Variants in MIA3 observed in about 807,000 individuals in gnomAD.
MIA3 encodes transport and Golgi organization protein 1 homolog.
Under a neutral mutation model 192.4 loss-of-function variants are expected in MIA3, and 90 were observed. The ratio of observed to expected loss-of-function variants is 0.47; its 90% CI spans 0.39 to 0.56. The LOEUF (loss-of-function observed/expected upper bound fraction) is 0.56. MIA3 is among the 20% of genes least tolerant of loss of function. MIA3 has a pLI of 0.00. For synonymous variants in MIA3, 740 were observed against 792.8 expected (o/e 0.93, Z 1.12); for missense variants, 2,123 against 2,269.4 (o/e 0.94, Z 1.31).
At position 222,627,617 on chromosome 1, in the gene MIA3, C is replaced by T. The variant is rs1001565873; in HGVS notation, c.397C>T (p.His133Tyr). ...TTTTGATGGAGGAAGAGATGATTTTCATAATTATAATGTAGAAGAACTTTT... is the reference window on the plus strand; with the variant it reads ...TTTTGATGGAGGAAGAGATGATTTTTATAATTATAATGTAGAAGAACTTTT... Reference protein sequence around the residue: ...VCFDGGRDDFHNYNVEELLGF... With the variant: ...VCFDGGRDDFYNYNVEELLGF... The change falls in exon 4 of 28, where the codon CAT becomes TAT. Residue 133 changes from histidine to tyrosine, a missense_variant. By Grantham distance (83) the His-to-Tyr change is moderately conservative. This residue lies in a region of MIA3 where 1,357 missense variants were observed against 1,396.1 expected (regional missense o/e 0.97). Coordinates refer to ENST00000344922, the MANE Select transcript of MIA3 (RefSeq NM_198551.4). The T allele has an allele frequency of 3.9e-5, 62 of 1,579,264 alleles. No homozygotes were observed. In the East Asian group the frequency reaches 1.3e-3, roughly 34 times the overall value.
intron 6 of MIA3, among the ~76,000 whole-genome samples, chr1:222,635,913 C>G (rs1662603910): frequency 6.6e-6 from 1 of 152,204 alleles, no homozygotes; most frequent in African/African-American, 2.4e-5. Flanking sequence ...CTATTTCATT[C>G]TTATACTGAC....
chr1:222,645,567 T>A lies in MIA3; in HGVS notation c.3491T>A (p.Leu1164Ter). The change falls in exon 7 of 28, where the codon TTG becomes TAG. Residue 1164 changes from leucine to a stop codon, truncating the protein, a stop_gained. Coordinates refer to ENST00000344922, the MANE Select transcript of MIA3 (RefSeq NM_198551.4). LOFTEE classifies it high-confidence loss of function. ...FYLTKSLVAT[L>*]PDDVQPGPDF... ...TCTAACATTCAGCTAGTTGCTACAT[T>A]GCCTGATGATGTTCAGCCTGGGCCT... 1 of 1,610,946 alleles carries A rather than the reference T, an allele frequency of 6.2e-7. No homozygotes were observed.
chr1:222,633,074 C>T (rs1397923210), intron 5 of MIA3, 30 bp from the exon 6 acceptor site: 38 of 1,566,358 alleles, frequency 2.4e-5, no homozygotes, highest in Non-Finnish European at 3.1e-5. Context: ...TTCTAAAGCA[C>T]AAAATGTCTA....
rs2124939572 is a variant in MIA3 at position 222,665,785 on chromosome 1, G to A, written c.*166G>A. The A allele has an allele frequency of 2.0e-6, 1 of 492,286 alleles. No individual in the cohort carries two copies. The highest frequency in any genetic ancestry group is 3.3e-6 in the Non-Finnish European group (1 of 298,766). 30.5% of individuals were successfully genotyped at this position (492,286 alleles called of 1,614,324 possible). ...TTTTTGAGCCAAACAATTCAAAAAT[G>A]TCATTTCTTCCCTAAATAAAAATCA... is the stretch of plus-strand genomic sequence containing the variant. On this transcript the variant is annotated 3_prime_UTR_variant, in exon 28 of 28. Coordinates refer to ENST00000344922, the MANE Select transcript of MIA3 (RefSeq NM_198551.4).
At chr1:222,635,439 C>T (rs750910498) in intron 6 of MIA3, among the ~76,000 whole-genome samples, 32 of 151,978 alleles carry the variant, frequency 2.1e-4, no homozygotes, top group Non-Finnish European at 3.7e-4. Flanking sequence ...TATAAGATGC[C>T]GACTTGAGAG....
chr1:222,622,094 G>A (rs991814173), intron 2 of MIA3, among the ~76,000 whole-genome samples: 2 of 152,206 alleles, frequency 1.3e-5, no homozygotes, highest in Non-Finnish European at 2.9e-5. Context: ...GTGAGCCACC[G>A]CAACCAGCCT....
chr1:222,659,032 G>A (rs969905207), intron 19 of MIA3: 5 of 477,602 alleles, frequency 1.0e-5, no homozygotes, highest in African/African-American at 6.0e-5. Flanking sequence ...CGTGCAAACA[G>A]TTCTGGGGGT....
intron 13 of MIA3, 121 bp from the exon 14 acceptor site, chr1:222,652,887 A>G (rs2124909351): frequency 4.6e-6 from 5 of 1,092,430 alleles, no homozygotes; most frequent in Non-Finnish European, 6.5e-6. Flanking sequence ...CCAAGGTCTT[A>G]GCCCATAGTG....
chr1:222,637,344 G>A (rs1269180460), intron 6 of MIA3, among the ~76,000 whole-genome samples: 1 of 152,240 alleles, frequency 6.6e-6, no homozygotes, highest in East Asian at 1.9e-4. Context: ...GAGATGTTAT[G>A]TACTTCCATC....
chr1:222,652,355 G>T, intron 13 of MIA3, 23 bp downstream of exon 13: 6 of 1,501,042 alleles, frequency 4.0e-6, no homozygotes, highest in Non-Finnish European at 3.7e-6. Context: ...GCGTGTCCCA[G>T]GTCATGTAAA....
intron 6 of MIA3, among the ~76,000 whole-genome samples, chr1:222,637,684 A>ATTT (rs112135138): frequency 1.3e-5 from 1 of 76,376 alleles, no homozygotes; most frequent in African/African-American, 3.5e-5. Flanking sequence ...ATCAAGAATA[A>ATTT]TTTTTTTTTT....
intron 17 of MIA3, 88 bp downstream of exon 17, chr1:222,654,567 A>G (rs1042379990): frequency 1.3e-6 from 2 of 1,554,294 alleles, no homozygotes; most frequent in South Asian, 2.2e-5. Context: ...CTGCTTTCAT[A>G]CTTCTCATTT....
At chr1:222,658,213 T>G (rs1663833823) in intron 18 of MIA3, among the ~76,000 whole-genome samples, 1 of 152,212 alleles carries the variant, frequency 6.6e-6, no homozygotes, top group Non-Finnish European at 1.5e-5. Context: ...ATATCTGAAG[T>G]GTGAAAATGT....
intron 15 of MIA3, 65 bp downstream of exon 15, chr1:222,653,404 C>G (rs1663547203): frequency 2.0e-6 from 2 of 989,818 alleles, no homozygotes; most frequent in Non-Finnish European, 3.1e-6. Context: ...ACCAGTGCTA[C>G]TTTTCAGCTG....
chr1:222,656,749 G>C (rs962729529), intron 18 of MIA3, among the ~76,000 whole-genome samples: 3 of 152,058 alleles, frequency 2.0e-5, no homozygotes, highest in Non-Finnish European at 4.4e-5. Flanking sequence ...CTCGCCCAAT[G>C]CCTCCTACAT....
rs764316811 is a variant in MIA3, at chr1:222,632,318, T to G, written c.3323T>G (p.Leu1108Arg). 1.3e-5 allele frequency: 21 copies of G among 1,612,134 alleles called. No homozygotes were observed. In the Middle Eastern group the frequency reaches 6.6e-4, roughly 51 times the overall value. The change falls in exon 5 of 28, where the codon CTG (leucine) becomes CGG (arginine). Residue 1108 changes from leucine to arginine, a missense_variant. By Grantham distance (102) the Leu-to-Arg change is moderately radical. Around this residue, in one of 3 missense-constraint regions of MIA3, gnomAD observed 1,357 missense variants for 1,396.1 expected, o/e 0.97. Transcript: ENST00000344922. Reference sequence around the variant, plus strand: ...CAGAAGCCAAATACTGAGAAAGACCTGGACCCAGGTAAAGCCTGCTAATTT... The same window carrying G: ...CAGAAGCCAAATACTGAGAAAGACCGGGACCCAGGTAAAGCCTGCTAATTT... ...VSQKPNTEKD[L>R]DPGPVTTEDT... is the part of the protein sequence containing the mutation.
At chr1:222,619,973 G>A in intron 1 of MIA3, among the ~76,000 whole-genome samples, 1 of 152,094 alleles carries the variant, frequency 6.6e-6, no homozygotes, top group East Asian at 1.9e-4. Flanking sequence ...TATTGTAAGG[G>A]GGAGCAAAAG....
intron 2 of MIA3, among the ~76,000 whole-genome samples, 177 bp from the exon 3 acceptor site, chr1:222,624,591 C>T (rs1571860624): frequency 6.6e-6 from 1 of 152,254 alleles, no homozygotes; most frequent in Middle Eastern, 3.4e-3. Context: ...GGGACCCATA[C>T]AAAGTGTCAC....
intron 4 of MIA3, 27 bp from the exon 5 acceptor site, chr1:222,632,138 T>C: frequency 6.2e-7 from 1 of 1,609,926 alleles, no homozygotes; most frequent in Non-Finnish European, 8.5e-7. Flanking sequence ...CAAGCTGTGC[T>C]AGCCCAGTGT....
Sources: allele counts gnomAD v4.1 joint callset (sites outside exome capture counted in the v4.1 genomes callset), GRCh38; gene constraint gnomAD v4.1.1; regional missense constraint gnomAD v4.1.1; transcripts MANE v1.5; gene names NCBI Gene and HGNC (gene_info 2026-07-23, HGNC 2026-07-21).